The following KIAA0040 variants were observed in gnomAD, a reference collection of about 807,000 sequenced individuals.
KIAA0040 encodes the protein uncharacterized protein KIAA0040.
A neutral mutation model predicts 7.2 loss-of-function variants in KIAA0040; 10 were observed. The ratio of observed to expected loss-of-function variants is 1.38; its 90% CI spans 0.85 to 2.34. KIAA0040 has a LOEUF of 2.34. KIAA0040 is among the 30% of genes most tolerant of loss of function. KIAA0040 has a pLI of 0.00. For synonymous variants in KIAA0040, 49 were observed against 40.1 expected (o/e 1.22, Z -0.84); for missense variants, 89 against 108.2 (o/e 0.82, Z 0.79).
intron 2 of KIAA0040, among the ~76,000 whole-genome samples, chr1:175,172,207 G>A (rs1421089999): frequency 1.3e-5 from 2 of 152,120 alleles, no homozygotes; most frequent in Non-Finnish European, 2.9e-5. Flanking sequence ...GATTAATCAT[G>A]AGAAATTATG....
chr1:175,164,807 A>G (rs1676691841), intron 3 of KIAA0040, among the ~76,000 whole-genome samples: 1 of 150,256 alleles, frequency 6.7e-6, no homozygotes, highest in African/African-American at 2.5e-5. Flanking sequence ...AGTATTTATG[A>G]GTCTTGCATT....
At chr1:175,180,785 T>C (rs949240028) in intron 1 of KIAA0040, among the ~76,000 whole-genome samples, 3 of 152,200 alleles carry the variant, frequency 2.0e-5, no homozygotes, top group African/African-American at 7.2e-5. Context: ...TTACATCACT[T>C]GGAAGTGAGA....
chr1:175,182,898 T>C (rs941668229), intron 1 of KIAA0040, among the ~76,000 whole-genome samples: 30 of 152,186 alleles, frequency 2.0e-4, no homozygotes, highest in African/African-American at 7.0e-4. Flanking sequence ...CATCTGAGCT[T>C]GTGACCTCTG....
chr1:175,179,338 T>C (rs1272546640), intron 1 of KIAA0040, among the ~76,000 whole-genome samples: 2 of 152,140 alleles, frequency 1.3e-5, no homozygotes, highest in East Asian at 1.9e-4. Context: ...CTGATCTTGC[T>C]TGTGATGGAA....
At chr1:175,192,817 G>GCCCCCCCCCCCCCCCCCCC (rs1558405268), upstream of KIAA0040, 7 of 123,526 alleles carry the variant, frequency 5.7e-5, no homozygotes, top group South Asian at 2.8e-4. Flanking sequence ...CGTGGGAGCC[G>GCCCCCCCCCCCCCCCCCCC]CCCGCCCCGC....
intron 2 of KIAA0040, among the ~76,000 whole-genome samples, chr1:175,175,304 T>C (rs1033390576): frequency 1.3e-5 from 2 of 151,590 alleles, no homozygotes; most frequent in Non-Finnish European, 2.9e-5. Context: ...ATCAGAGAAA[T>C]GCAAATCAAA....
chr1:175,165,670 G>A (rs1369890104), intron 3 of KIAA0040, among the ~76,000 whole-genome samples: 1 of 152,234 alleles, frequency 6.6e-6, no homozygotes, highest in Non-Finnish European at 1.5e-5. Context: ...GAGTTCATAG[G>A]TGAGGTGGAG....
intron 2 of KIAA0040, among the ~76,000 whole-genome samples, chr1:175,170,107 C>T (rs2101887621): frequency 6.6e-6 from 1 of 152,202 alleles, no homozygotes; most frequent in African/African-American, 2.4e-5. Context: ...GTGCTAAGGA[C>T]CAAGCGTGCA....
At chr1:175,183,308 C>T (rs1388103937) in intron 1 of KIAA0040, among the ~76,000 whole-genome samples, 2 of 152,164 alleles carry the variant, frequency 1.3e-5, no homozygotes, top group Non-Finnish European at 2.9e-5. Flanking sequence ...ACAATAAATG[C>T]TTTTTGATTA....
At chr1:175,166,379 G>A (rs955683577) in intron 3 of KIAA0040, among the ~76,000 whole-genome samples, 183 bp downstream of exon 3, 1 of 152,162 alleles carries the variant, frequency 6.6e-6, no homozygotes, top group Admixed American at 6.5e-5. Flanking sequence ...TGATTCAGTC[G>A]GGTCTAGGAT....
chr1:175,167,146 T>A (rs563427540), intron 2 of KIAA0040, among the ~76,000 whole-genome samples: 2 of 152,266 alleles, frequency 1.3e-5, no homozygotes, highest in South Asian at 4.1e-4. Flanking sequence ...TGATGAGGGA[T>A]GACTGAGAGA....
At position 175,160,470 on chromosome 1, in the gene KIAA0040, C is replaced by T. The variant is rs1037936630; in HGVS notation, c.*244G>A. 2 of 482,652 alleles carry T rather than the reference C, an allele frequency of 4.1e-6. No homozygotes were observed. Among genetic ancestry groups the T allele is most frequent in the Non-Finnish European group, 3.7e-6 (1 of 271,368 alleles). The allele number at this position is 482,652 out of a possible 1,614,324, so 29.9% of individuals were successfully genotyped here. ...ATGCCAGAGACAGGTGGGAGGCATGCCTGGGTCTGCAGTAAGGAGCATTGC... is the reference window on the plus strand; with the variant it reads ...ATGCCAGAGACAGGTGGGAGGCATGTCTGGGTCTGCAGTAAGGAGCATTGC... On this transcript the variant is annotated 3_prime_UTR_variant, in exon 4 of 4. Transcript: ENST00000423313.
intron 3 of KIAA0040, among the ~76,000 whole-genome samples, chr1:175,165,551 T>A (rs1676725436): frequency 1.3e-5 from 2 of 152,198 alleles, no homozygotes; most frequent in Admixed American, 1.3e-4. Context: ...ATAATCTCCC[T>A]AATATGGTTG....
In KIAA0040 at chr1:175,158,882, A is replaced by T. The variant is rs1045337669; in HGVS notation, c.*1832T>A. 1.3e-5 allele frequency: 2 copies of T among 152,144 alleles called. No individual in the cohort carries two copies. Among genetic ancestry groups the T allele is most frequent in the African/African-American group, 4.8e-5 (2 of 41,416 alleles). The allele number at this position is 152,144 out of a possible 1,614,324, so 9.4% of individuals were successfully genotyped here. A position where few individuals can be genotyped will look rare whatever the true frequency, so the allele number is the denominator to read the frequency against. On this transcript the variant is annotated 3_prime_UTR_variant, in exon 4 of 4. Coordinates refer to ENST00000423313, the MANE Select transcript of KIAA0040 (RefSeq NM_014656.3). ...AACCCTGGTGCAAGGGTCACCACTA[A>T]ATGCCCACCCTCCACAGGCCTAAAG... is the stretch of plus-strand genomic sequence containing the variant.
At chr1:175,189,545 T>C (rs182628014) in intron 1 of KIAA0040, among the ~76,000 whole-genome samples, 5 of 152,316 alleles carry the variant, frequency 3.3e-5, no homozygotes, top group Admixed American at 6.5e-5. Flanking sequence ...CCAGAGTAGA[T>C]GCATGTGATT....
Position 175,158,221 on chromosome 1 carries a change from A to G in KIAA0040, c.*2493T>C, listed in dbSNP as rs1181949489. On this transcript the variant is annotated 3_prime_UTR_variant, in exon 4 of 4. Transcript: ENST00000423313. ...CTGTGATGGGGAAAAGAGAGGCCCC[A>G]TTCTGGGTTTGGCTCTTCTGAGTCA... 1 of 152,342 alleles carries G rather than the reference A, an allele frequency of 6.6e-6. No individual in the cohort carries two copies. The highest frequency in any genetic ancestry group is 1.9e-4 in the East Asian group (1 of 5,196). 9.4% of individuals were successfully genotyped at this position (152,342 alleles called of 1,614,324 possible).
chr1:175,164,091 A>G (rs1255653042), intron 3 of KIAA0040, among the ~76,000 whole-genome samples: 3 of 152,148 alleles, frequency 2.0e-5, no homozygotes, highest in Admixed American at 6.5e-5. Context: ...GGACACTAGG[A>G]GGTAGGCATG....
Position 175,157,385 on chromosome 1 carries a change from C to T in KIAA0040, c.*3329G>A, listed in dbSNP as rs1676319533. The T allele has an allele frequency of 1.3e-5, 2 of 152,194 alleles. No homozygotes were observed. Among genetic ancestry groups the T allele is most frequent in the Non-Finnish European group, 2.9e-5 (2 of 68,070 alleles). The allele number at this position is 152,194 out of a possible 1,614,324, so 9.4% of individuals were successfully genotyped here. A position where few individuals can be genotyped will look rare whatever the true frequency, so the allele number is the denominator to read the frequency against. ...ACAGCCACATTCCTCATCCTCAGACCTATGACTCTACCATGGCGAAGGCGG... is the reference window on the plus strand; with the variant it reads ...ACAGCCACATTCCTCATCCTCAGACTTATGACTCTACCATGGCGAAGGCGG... On this transcript the variant is annotated 3_prime_UTR_variant, in exon 4 of 4. Coordinates refer to ENST00000423313, the MANE Select transcript of KIAA0040 (RefSeq NM_014656.3).
chr1:175,187,026 G>C (rs1677683775), intron 1 of KIAA0040, among the ~76,000 whole-genome samples: 1 of 152,212 alleles, frequency 6.6e-6, no homozygotes, highest in African/African-American at 2.4e-5. Flanking sequence ...GTGGAAGGTA[G>C]GGAGAGAGAA....
Sources: allele counts gnomAD v4.1 joint callset (sites outside exome capture counted in the v4.1 genomes callset), GRCh38; gene constraint gnomAD v4.1.1; transcripts MANE v1.5; gene names NCBI Gene and HGNC (gene_info 2026-07-23, HGNC 2026-07-21).